Variants in RASGRP2 observed in about 807,000 individuals in gnomAD.
RASGRP2 encodes RAS guanyl-releasing protein 2.
In RASGRP2, 44 loss-of-function variants were observed where a neutral mutation model predicts 71.0. The observed-to-expected ratio is 0.62, with a 90% CI of 0.49 to 0.80. The LOEUF (loss-of-function observed/expected upper bound fraction) is 0.80. Among genes scored for constraint, RASGRP2 ranks in the 30% least tolerant of loss-of-function variants. The pLI is 0.00. For missense variants in RASGRP2, 663 were observed against 813.4 expected (o/e 0.82, Z 2.25); for synonymous variants, 350 against 330.7 (o/e 1.06, Z -0.63).
At chr11:64,733,774 A>G (rs1350581420) in intron 12 of RASGRP2, among the ~76,000 whole-genome samples, 1 of 152,034 alleles carries the variant, frequency 6.6e-6, no homozygotes, top group Non-Finnish European at 1.5e-5. Context: ...CAAGCTTAAT[A>G]TTGTTAACAG....
chr11:64,736,050 G>A (rs2057928303), intron 9 of RASGRP2, 70 bp from the exon 10 acceptor site: 8 of 1,304,814 alleles, frequency 6.1e-6, no homozygotes, highest in South Asian at 2.4e-5. Context: ...GCCAAAGGTC[G>A]ACCTAGAGGC....
intron 16 of RASGRP2, 63 bp downstream of exon 16, chr11:64,727,233 T>C: frequency 6.8e-7 from 1 of 1,476,852 alleles, no homozygotes; most frequent in South Asian, 1.1e-5. Flanking sequence ...ATTTCCCTGA[T>C]ACTCCCCAGC....
intron 5 of RASGRP2, chr11:64,740,439 C>T: frequency 3.1e-6 from 2 of 653,378 alleles, no homozygotes; most frequent in Non-Finnish European, 5.8e-6. Context: ...CCTCGAGGAG[C>T]TCACAGTCTA....
rs940546833 is a variant in RASGRP2, at chr11:64,742,578, G to T, written c.73+216C>A. The T allele has an allele frequency of 7.6e-6, 5 of 654,826 alleles. No individual in the cohort carries two copies. Among genetic ancestry groups the T allele is most frequent in the Non-Finnish European group, 1.3e-5 (5 of 383,560 alleles). The allele number at this position is 654,826 out of a possible 1,614,324, so 40.6% of individuals were successfully genotyped here. Reference sequence around the variant, plus strand: ...GGGACCCGGCCCTCCCTTCGCCGCCGCTGGGGAAGGCTAGAGAAGGGAAAC... The same window carrying T: ...GGGACCCGGCCCTCCCTTCGCCGCCTCTGGGGAAGGCTAGAGAAGGGAAAC... On this transcript the variant is annotated intron_variant, in intron 2 of 16. Coordinates refer to ENST00000394432, the MANE Select transcript of RASGRP2 (RefSeq NM_001098671.2). The surrounding 1 kb of genome is among the most constrained non-coding windows in gnomAD (Gnocchi z 4.7).
rs760096205 is a variant in RASGRP2, at chr11:64,739,726, G to T, written c.606C>A (p.Ser202Arg). 1 of 1,613,828 alleles carries T rather than the reference G, an allele frequency of 6.2e-7. No homozygotes were observed. Among genetic ancestry groups the T allele is most frequent in the Non-Finnish European group, 8.5e-7 (1 of 1,179,930 alleles). Residue 202 changes from serine to arginine, a missense_variant, in exon 7 of 17, where the codon AGC becomes AGA. Ser to Arg is a moderately radical substitution (Grantham distance 110, BLOSUM62 -1). Coordinates refer to ENST00000394432, the MANE Select transcript of RASGRP2 (RefSeq NM_001098671.2). The surrounding 1 kb of genome is among the most constrained non-coding windows in gnomAD (Gnocchi z 4.2). The stretch of plus-strand genomic sequence containing the variant: ...TCATGAGCTGCACCCACTGTGAGAC[G>T]CTGTTGAAGAGGGAGATGAACCGCT... ...VLERFISLFN[S>R]VSQWVQLMIL...
In RASGRP2 at chr11:64,728,988, C is replaced by A; in HGVS notation, c.1646G>T (p.Arg549Leu). The A allele has an allele frequency of 6.2e-7, 1 of 1,609,204 alleles. No homozygotes were observed. The highest frequency in any genetic ancestry group is 1.1e-5 in the South Asian group (1 of 90,780). ...CAGGCTCACACTCTGGGCCCTGCGC[C>A]GACACTCAACTGACAGGCGATCCTT... ...QCKDRLSVEC[R>L]RRAQSVSLEG... The change falls in exon 15 of 17, where the codon CGG becomes CTG. Residue 549 changes from arginine (R) to leucine (L), a missense_variant. Arg to Leu is a moderately radical substitution (Grantham distance 102). Transcript: ENST00000394432.
chr11:64,729,289 C>G (rs1304791843), intron 14 of RASGRP2, among the ~76,000 whole-genome samples: 1 of 152,042 alleles, frequency 6.6e-6, no homozygotes, highest in Non-Finnish European at 1.5e-5. Context: ...CCCTTCACAT[C>G]AGTCATCTTG....
chr11:64,739,644 C>T lies in RASGRP2; in HGVS notation c.688G>A (p.Val230Met), dbSNP rs767231242. The T allele has an allele frequency of 1.3e-5, 21 of 1,613,278 alleles. No homozygotes were observed. Among genetic ancestry groups the T allele is most frequent in the Non-Finnish European group, 1.4e-5 (17 of 1,179,468 alleles). The change falls in exon 7 of 17, where the codon GTG becomes ATG. Residue 230 changes from valine to methionine, a missense_variant. Val to Met is a conservative substitution (Grantham distance 21). Transcript: ENST00000394432. The surrounding 1 kb of genome is among the most constrained non-coding windows in gnomAD (Gnocchi z 4.2). ...GAGGGAGGGGCAGGCACCTCCGCCA[C>T]GTGGACAAAGTGTGTGATGACCAGG... ...RALVITHFVH[V>M]AEKLLQLQNF... is the part of the protein sequence containing the mutation.
In RASGRP2 at chr11:64,740,668, G is replaced by A. The variant is rs540377068; in HGVS notation, c.371+280C>T. Reference sequence around the variant, plus strand: ...GGCAGCAAGGGGGATGATATGAGCAGAGCACCATGATGAGAAAGGACTCGA... The same window carrying A: ...GGCAGCAAGGGGGATGATATGAGCAAAGCACCATGATGAGAAAGGACTCGA... On this transcript the variant is annotated intron_variant, in intron 5 of 16. Coordinates refer to ENST00000394432, the MANE Select transcript of RASGRP2 (RefSeq NM_001098671.2). 164 of 651,450 alleles carry A rather than the reference G, an allele frequency of 2.5e-4. 1 individual carries two copies. The African/African-American group carries it at 2.7e-3, about 11-fold the overall frequency. The allele number at this position is 651,450 out of a possible 1,614,324, so 40.4% of individuals were successfully genotyped here.
In RASGRP2 at chr11:64,743,010, G is replaced by A. The variant is rs892160265; in HGVS notation, c.-71-73C>T. The A allele has an allele frequency of 1.4e-6, 2 of 1,464,786 alleles. No homozygotes were observed. The highest frequency in any genetic ancestry group is 9.1e-7 in the Non-Finnish European group (1 of 1,093,162). 90.7% of individuals were successfully genotyped at this position (1,464,786 alleles called of 1,614,324 possible). On this transcript the variant is annotated intron_variant, in intron 1 of 16. Transcript: ENST00000394432. This position sits in a 1 kb window ranked among gnomAD's most constrained non-coding sequence, Gnocchi z 4.9. Reference sequence around the variant, plus strand: ...GAGCGGCCCCGCGGGCAGAAACGGGGCGGGGCGGGCACGCCCCCTGCTGGA... The same window carrying A: ...GAGCGGCCCCGCGGGCAGAAACGGGACGGGGCGGGCACGCCCCCTGCTGGA...
chr11:64,737,078 C>T (rs1316508204), intron 8 of RASGRP2, 44 bp from the exon 9 acceptor site: 1 of 1,609,228 alleles, frequency 6.2e-7, no homozygotes, highest in Non-Finnish European at 8.5e-7. Context: ...CAACTATCCT[C>T]CCTACCTCAG....
intron 8 of RASGRP2, 190 bp from the exon 9 acceptor site, chr11:64,737,224 A>G (rs954795515): frequency 7.0e-5 from 46 of 659,278 alleles, no homozygotes; most frequent in Non-Finnish European, 1.1e-4. Flanking sequence ...ATTCAAGGCA[A>G]TACTCACTGC....
At position 64,736,866 on chromosome 11, in the gene RASGRP2, G is replaced by A. The variant is rs147886381; in HGVS notation, c.982C>T (p.Arg328Trp). 33 of 1,613,606 alleles carry A rather than the reference G, an allele frequency of 2.0e-5. No individual in the cohort carries two copies. Among genetic ancestry groups the A allele is most frequent in the African/African-American group, 5.3e-5 (4 of 74,956 alleles). ...TGCTTCATCTTGGCCCCGTTGAGCC[G>A]GGTCCGGGCTGGGTCCAGCCAGTCA... ...LPDWLDPARTRLNGAKMKQLF... is the reference protein window; with the variant it reads ...LPDWLDPARTWLNGAKMKQLF... Residue 328 changes from arginine (R) to tryptophan (W), a missense_variant, in exon 9 of 17, where the codon CGG becomes TGG. Physicochemically the swap from Arg to Trp is moderately radical, Grantham distance 101 (BLOSUM62 -3). Transcript: ENST00000394432.
chr11:64,735,230 G>A lies in RASGRP2; in HGVS notation c.1297-3C>T. The A allele has an allele frequency of 6.2e-7, 1 of 1,611,214 alleles. No homozygotes were observed. Among genetic ancestry groups the A allele is most frequent in the Middle Eastern group, 1.7e-4 (1 of 6,058 alleles). On this transcript the variant is annotated splice_region_variant and splice_polypyrimidine_tract_variant and intron_variant, in intron 11 of 16. Coordinates refer to ENST00000394432, the MANE Select transcript of RASGRP2 (RefSeq NM_001098671.2). This position sits in a 1 kb window ranked among gnomAD's most constrained non-coding sequence, Gnocchi z 4.2. The stretch of plus-strand genomic sequence containing the variant: ...ACGTCAAAGTTCCGGAACACAGACT[G>A]GGGCACGCAGAGGGACACGCAGAGC...
At position 64,730,015 on chromosome 11, in the gene RASGRP2, G is replaced by A. The variant is rs374717693; in HGVS notation, c.1554+38C>T. The A allele has an allele frequency of 4.5e-5, 70 of 1,544,122 alleles. 1 individual carries two copies. The South Asian group carries it at 7.6e-4, about 17-fold the overall frequency. On this transcript the variant is annotated intron_variant, in intron 13 of 16. Transcript: ENST00000394432. ...GGAGGGCGGGGCCGGGGCTGGAGGG[G>A]CGTGGCTTGGGCCGTGAGCCGGGAA...
At chr11:64,744,332 C>G, upstream of RASGRP2, 1 of 985,356 alleles carries the variant, frequency 1.0e-6, no homozygotes, top group Non-Finnish European at 1.2e-6. Flanking sequence ...CACATACTCA[C>G]TCCCCCAGGC....
intron 8 of RASGRP2, chr11:64,737,270 A>C (rs1244961760): frequency 1.8e-6 from 1 of 569,592 alleles, no homozygotes; most frequent in Non-Finnish European, 3.1e-6. Flanking sequence ...GCCTGGATGC[A>C]GGGAATCATC....
chr11:64,735,012 A>T lies in RASGRP2; in HGVS notation c.1412+100T>A. The T allele has an allele frequency of 1.0e-6, 1 of 970,360 alleles. No homozygotes were observed. The highest frequency in any genetic ancestry group is 1.8e-5 in the Admixed American group (1 of 55,956). 60.1% of individuals were successfully genotyped at this position (970,360 alleles called of 1,614,324 possible). A position where few individuals can be genotyped will look rare whatever the true frequency, so the allele number is the denominator to read the frequency against. On this transcript the variant is annotated intron_variant, in intron 12 of 16. Coordinates refer to ENST00000394432, the MANE Select transcript of RASGRP2 (RefSeq NM_001098671.2). The surrounding 1 kb of genome is among the most constrained non-coding windows in gnomAD (Gnocchi z 4.2). ...ACTGGCAGCTTCCCAGGCCAAGATCATCTGGCTCAGTGACCTCATCTTGCA... is the reference window on the plus strand; with the variant it reads ...ACTGGCAGCTTCCCAGGCCAAGATCTTCTGGCTCAGTGACCTCATCTTGCA...
At chr11:64,745,110 G>C (rs1323575019), upstream of RASGRP2, 1 of 151,984 alleles carries the variant, frequency 6.6e-6, no homozygotes, top group African/African-American at 2.4e-5. Context: ...GGACGCGGAG[G>C]GGGGACCGAA....
Sources: allele counts gnomAD v4.1 joint callset (sites outside exome capture counted in the v4.1 genomes callset), GRCh38; gene constraint gnomAD v4.1.1; non-coding constraint Gnocchi (gnomAD v3.1); transcripts MANE v1.5; gene names NCBI Gene and HGNC (gene_info 2026-07-23, HGNC 2026-07-21).